NFRKB: variants seen among roughly 807,000 people sequenced by gnomAD.
The protein encoded by NFRKB is nuclear factor related to kappaB binding protein, also known as nuclear factor related to kappa-B-binding protein.
NFRKB carries 62 observed loss-of-function variants against 135.7 expected under a neutral mutation model. That is an observed-to-expected ratio of 0.46 (90% confidence interval 0.37 to 0.56). The LOEUF is 0.56. Ranked by LOEUF, NFRKB falls within the 20% of genes least tolerant of loss-of-function variation. The pLI is 0.00. For synonymous variants in NFRKB, 678 were observed against 635.6 expected, an observed-to-expected ratio of 1.07 and a Z score of -1.00; for missense variants, 1,545 against 1,662.0, an observed-to-expected ratio of 0.93 and a Z score of 1.22.
At position 129,886,412 on chromosome 11, in the gene NFRKB, G is replaced by A. The variant is rs1452261113; in HGVS notation, c.370C>T (p.Arg124Trp). 34 of 1,613,706 alleles carry A rather than the reference G, an allele frequency of 2.1e-5. No individual in the cohort carries two copies. Among genetic ancestry groups the A allele is most frequent in the East Asian group, 8.9e-5 (4 of 44,876 alleles). The change falls in exon 5 of 27, where the codon CGG becomes TGG. Residue 124 changes from arginine to tryptophan, a missense_variant. By Grantham distance (101) the Arg-to-Trp change is moderately radical (BLOSUM62 -3). This residue lies in a region of NFRKB where 678 missense variants were observed against 646.7 expected (regional missense o/e 1.05). Transcript: ENST00000682444. ...TACTGTGACTTGAAGCATAACTGCC[G>A]GTACTTGACCACCTCGGGGTTAAAG... ...GHFNPEVVKY[R>W]QLCFKSQYKR...
intron 4 of NFRKB, chr11:129,888,265 T>C (rs1184178728): frequency 1.7e-6 from 1 of 588,196 alleles, no homozygotes; most frequent in African/African-American, 1.9e-5. Flanking sequence ...ATAAAGCAAA[T>C]GGCAAGCTCT....
intron 9 of NFRKB, 116 bp from the exon 10 acceptor site, chr11:129,882,747 T>C (rs1949090409): frequency 9.1e-7 from 1 of 1,098,352 alleles, no homozygotes; most frequent in Non-Finnish European, 1.3e-6. Context: ...GTCTCAGTAA[T>C]AAAACACTCA....
intron 23 of NFRKB, among the ~76,000 whole-genome samples, chr11:129,870,883 A>G (rs1290364012): frequency 6.6e-6 from 1 of 152,106 alleles, no homozygotes; most frequent in African/African-American, 2.4e-5. Context: ...TTCCCACCCT[A>G]AAAAACAACC....
intron 4 of NFRKB, among the ~76,000 whole-genome samples, chr11:129,887,044 T>C (rs1949312447): frequency 6.6e-6 from 1 of 152,198 alleles, no homozygotes; most frequent in Non-Finnish European, 1.5e-5. Context: ...CATTAGCAGC[T>C]GTCAAGTTGT....
Position 129,878,330 on chromosome 11 carries a change from G to C in NFRKB, c.1490C>G (p.Ala497Gly). 6.2e-7 allele frequency: 1 copy of C among 1,614,200 alleles called. No homozygotes were observed. The highest frequency in any genetic ancestry group is 1.7e-5 in the Admixed American group (1 of 60,024). The change falls in exon 15 of 27, where the codon GCC becomes GGC. Residue 497 changes from alanine (A) to glycine (G), a missense_variant. Coordinates refer to ENST00000682444, the MANE Select transcript of NFRKB (RefSeq NM_001143835.2). ...TCACACCCGAGGGACAGGTGTTGTG[G>C]CATCTGAGCTGTCTTCATTTTCTTG... is the stretch of plus-strand genomic sequence containing the variant. ...CKQENEDSSD[A>G]TTPVPRVRTD...
chr11:129,884,864 T>A lies in NFRKB; in HGVS notation c.641-18A>T. On this transcript the variant is annotated intron_variant, in intron 6 of 26. Transcript: ENST00000682444. Reference sequence around the variant, plus strand: ...GCTGAGATCTTCAAAAGAAAATTGTTCTTGTAAATCCAACGTGGCTGTGGA... The same window carrying A: ...GCTGAGATCTTCAAAAGAAAATTGTACTTGTAAATCCAACGTGGCTGTGGA... 6.2e-7 allele frequency: 1 copy of A among 1,614,146 alleles called. No individual in the cohort carries two copies.
chr11:129,875,962 A>C (rs1948748198), intron 17 of NFRKB, among the ~76,000 whole-genome samples: 1 of 152,126 alleles, frequency 6.6e-6, no homozygotes, highest in Non-Finnish European at 1.5e-5. Flanking sequence ...CAGCCCTTAC[A>C]CACTTTTAAG....
Position 129,876,811 on chromosome 11 carries a change from C to T in NFRKB, c.1657G>A (p.Val553Met), listed in dbSNP as rs1249474473. 4 of 1,614,106 alleles carry T rather than the reference C, an allele frequency of 2.5e-6. No homozygotes were observed. Among genetic ancestry groups the T allele is most frequent in the South Asian group, 1.1e-5 (1 of 91,076 alleles). The change falls in exon 17 of 27, where the codon GTG becomes ATG. Residue 553 changes from valine (V) to methionine (M), a missense_variant. Physicochemically the swap from Val to Met is conservative, Grantham distance 21. This residue lies in a region of NFRKB where 114 missense variants were observed against 211.0 expected (regional missense o/e 0.54). Coordinates refer to ENST00000682444, the MANE Select transcript of NFRKB (RefSeq NM_001143835.2). ...TTGAGCGAGGTCTCCTTGTCAAACA[C>T]GCCCTTCACTGGCCCCACCACAGAC... is the stretch of plus-strand genomic sequence containing the variant. ...FESVVGPVKGVFDKETSLNKA... is the reference protein window; with the variant it reads ...FESVVGPVKGMFDKETSLNKA...
At chr11:129,890,177 C>T (rs1255011504) in intron 3 of NFRKB, among the ~76,000 whole-genome samples, 1 of 151,792 alleles carries the variant, frequency 6.6e-6, no homozygotes, top group Non-Finnish European at 1.5e-5. Context: ...ACAATGGAGA[C>T]CCACTAAAGG....
At position 129,864,468 on chromosome 11, in the gene NFRKB, T is replaced by A. The variant is rs1045308741; in HGVS notation, c.*257A>T. ...TGGCTTGTTGGACGTAACTGGTAAT[T>A]CCTGCAATTTCAACAGAATATTCTC... On this transcript the variant is annotated 3_prime_UTR_variant, in exon 27 of 27. Coordinates refer to ENST00000682444, the MANE Select transcript of NFRKB (RefSeq NM_001143835.2). 4.7e-6 allele frequency: 2 copies of A among 426,026 alleles called. No homozygotes were observed. Among genetic ancestry groups the A allele is most frequent in the African/African-American group, 4.0e-5 (2 of 50,386 alleles). 26.4% of individuals were successfully genotyped at this position (426,026 alleles called of 1,614,324 possible).
chr11:129,888,883 A>C (rs944993322), intron 3 of NFRKB, 88 bp from the exon 4 acceptor site: 2 of 951,468 alleles, frequency 2.1e-6, no homozygotes, highest in Non-Finnish European at 3.1e-6. Flanking sequence ...CATAATATAC[A>C]TAAGATTTAC....
intron 24 of NFRKB, among the ~76,000 whole-genome samples, chr11:129,869,059 T>C (rs1475674174): frequency 6.6e-6 from 1 of 151,982 alleles, no homozygotes; most frequent in Admixed American, 6.6e-5. Context: ...ACAGAATATA[T>C]AAAGTCTCTC....
intron 8 of NFRKB, 93 bp downstream of exon 8, chr11:129,883,977 G>T: frequency 7.8e-7 from 1 of 1,282,460 alleles, no homozygotes; most frequent in Non-Finnish European, 1.1e-6. Flanking sequence ...AGGACATACA[G>T]ACGAGGCAGT....
chr11:129,884,248 G>A lies in NFRKB; in HGVS notation c.743-105C>T. The A allele has an allele frequency of 3.4e-6, 4 of 1,171,222 alleles. 1 individual carries two copies. Among genetic ancestry groups the A allele is most frequent in the Middle Eastern group, 3.9e-4 (2 of 5,162 alleles). 72.6% of individuals were successfully genotyped at this position (1,171,222 alleles called of 1,614,324 possible). On this transcript the variant is annotated intron_variant, in intron 7 of 26. Transcript: ENST00000682444. ...TTTCTGAGTTTCCCTTCTGACACCT[G>A]TGAACTACAAGTACCAAAAATCTTT... is the stretch of plus-strand genomic sequence containing the variant.
At chr11:129,867,442 G>A (rs955444801) in intron 24 of NFRKB, among the ~76,000 whole-genome samples, 2 of 149,288 alleles carry the variant, frequency 1.3e-5, no homozygotes, top group Non-Finnish European at 3.0e-5. Context: ...TCAGCCCCCT[G>A]AGTAGCTGGG....
At chr11:129,876,963 A>G in intron 16 of NFRKB, 68 bp from the exon 17 acceptor site, 1 of 1,415,528 alleles carries the variant, frequency 7.1e-7, no homozygotes, top group South Asian at 1.3e-5. Flanking sequence ...GCTTCCTTAC[A>G]ATATAAGCAG....
chr11:129,865,874 T>A lies in NFRKB; in HGVS notation c.3638+3A>T. 1.7e-5 allele frequency: 27 copies of A among 1,613,846 alleles called. No homozygotes were observed. Among genetic ancestry groups the A allele is most frequent in the Non-Finnish European group, 2.3e-5 (27 of 1,179,850 alleles). The stretch of plus-strand genomic sequence containing the variant: ...GGTTCCTTTACCATGACATAGTACT[T>A]ACTTGGCTCCAAGGTTGCCTTTGAT... On this transcript the variant is annotated splice_donor_region_variant and intron_variant, in intron 25 of 26. Coordinates refer to ENST00000682444, the MANE Select transcript of NFRKB (RefSeq NM_001143835.2).
At chr11:129,876,665 G>T in intron 17 of NFRKB, 56 bp downstream of exon 17, 2 of 1,422,492 alleles carry the variant, frequency 1.4e-6, no homozygotes, top group South Asian at 2.7e-5. Flanking sequence ...GAGTTGGTAA[G>T]AGAAAAGCTG....
At chr11:129,877,284 C>CT in intron 16 of NFRKB, 41 bp downstream of exon 16, 2 of 1,586,854 alleles carry the variant, frequency 1.3e-6, no homozygotes, top group Non-Finnish European at 1.7e-6. Flanking sequence ...CTCTGCATGG[C>CT]TCACAGAGGC....
Sources: gnomAD v4.1 joint callset for allele counts (sites outside exome capture counted in the v4.1 genomes callset) on GRCh38, gnomAD v4.1.1 for gene constraint, gnomAD v4.1.1 regional missense constraint, MANE v1.5 for transcripts, NCBI Gene and HGNC (gene_info 2026-07-23, HGNC 2026-07-21) for gene names.